Variants in SLC6A14 observed in about 807,000 individuals in gnomAD.
The protein encoded by SLC6A14 is sodium- and chloride-dependent neutral and basic amino acid transporter B(0+).
In SLC6A14, 21 loss-of-function variants were observed where a neutral mutation model predicts 51.4. The observed-to-expected ratio is 0.41, with a 90% CI of 0.29 to 0.59. The LOEUF (loss-of-function observed/expected upper bound fraction) is 0.59. Ranked by LOEUF, SLC6A14 falls within the 20% of genes least tolerant of loss-of-function variation. SLC6A14 has a pLI of 0.31. For synonymous variants in SLC6A14, 177 were observed against 160.7 expected, an observed-to-expected ratio of 1.10 and a Z score of -0.77; for missense variants, 371 against 472.8, an observed-to-expected ratio of 0.78 and a Z score of 2.00.
At chrX:116,450,119 T>C (rs1927794358) in intron 7 of SLC6A14, among the ~76,000 whole-genome samples, 1 of 111,488 alleles carries the variant, frequency 9.0e-6, no homozygotes, top group African/African-American at 3.3e-5. Context: ...TCAAGGATAA[T>C]ACCTATAGTC....
chrX:116,456,748 C>T (rs1164871205), intron 12 of SLC6A14, among the ~76,000 whole-genome samples: 1 of 111,061 alleles, frequency 9.0e-6, no homozygotes, highest in East Asian at 2.8e-4. Context: ...GGAGCTAAGC[C>T]ATTTAATTTT....
chrX:116,454,606 T>C (rs1464063777), intron 10 of SLC6A14, among the ~76,000 whole-genome samples, 164 bp downstream of exon 10: 1 of 111,156 alleles, frequency 9.0e-6, no homozygotes, highest in Non-Finnish European at 1.9e-5. Flanking sequence ...ATTACTTTTA[T>C]AGAAAGTCTA....
intron 4 of SLC6A14, 152 bp from the exon 5 acceptor site, chrX:116,443,491 A>G: frequency 2.6e-6 from 1 of 380,515 alleles, no homozygotes; most frequent in Admixed American, 5.4e-5. Context: ...CTGAATGTAC[A>G]TAGCTTATTC....
intron 7 of SLC6A14, 59 bp downstream of exon 7, chrX:116,446,940 A>C: frequency 9.8e-7 from 1 of 1,018,908 alleles, no homozygotes; most frequent in Non-Finnish European, 1.4e-6. Context: ...AGTAAATGCC[A>C]AACATCTTTG....
rs377473826 is a variant in SLC6A14, at chrX:116,455,091, T to C, written c.1504+15T>C. 7.4e-5 allele frequency: 79 copies of C among 1,063,227 alleles called. No individual in the cohort carries two copies. The highest frequency in any genetic ancestry group is 9.8e-5 in the South Asian group (5 of 51,003). The allele number at this position is 1,063,227 out of a possible 1,213,427, so 87.6% of individuals were successfully genotyped here. Reference sequence around the variant, plus strand: ...CTGGATTTATGGTAAATAGTAACTATAAAATTATTTTCCAGTTTTATTAAA... The same window carrying C: ...CTGGATTTATGGTAAATAGTAACTACAAAATTATTTTCCAGTTTTATTAAA... On this transcript the variant is annotated intron_variant, in intron 11 of 13. Transcript: ENST00000598581.
chrX:116,452,127 T>A (rs1445465773), intron 8 of SLC6A14, among the ~76,000 whole-genome samples: 2 of 111,905 alleles, frequency 1.8e-5, no homozygotes, highest in African/African-American at 3.2e-5. Context: ...TGCTTAATTA[T>A]CTGGCTACAG....
chrX:116,459,210 C>G lies in SLC6A14; in HGVS notation c.*255C>G. 1 of 229,760 alleles carries G rather than the reference C, an allele frequency of 4.4e-6. No homozygotes were observed. Among genetic ancestry groups the G allele is most frequent in the Non-Finnish European group, 7.8e-6 (1 of 128,155 alleles). 18.9% of individuals were successfully genotyped at this position (229,760 alleles called of 1,213,427 possible). A position where few individuals can be genotyped will look rare whatever the true frequency, so the allele number is the denominator to read the frequency against. ...CACACACCTAAGAGTCTCTATTTCA[C>G]AATTATATTTTTGTAAATAGTATAT... On this transcript the variant is annotated 3_prime_UTR_variant, in exon 14 of 14. Transcript: ENST00000598581.
intron 7 of SLC6A14, among the ~76,000 whole-genome samples, chrX:116,447,123 A>G (rs1401907680): frequency 9.0e-6 from 1 of 111,480 alleles, no homozygotes; most frequent in Non-Finnish European, 1.9e-5. Context: ...TTTTTTATTC[A>G]TATAAACTGA....
At chrX:116,442,093 A>G (rs939160886) in intron 3 of SLC6A14, among the ~76,000 whole-genome samples, 3 of 111,675 alleles carry the variant, frequency 2.7e-5, no homozygotes, top group African/African-American at 9.8e-5. Context: ...CTTTATGTGA[A>G]TTTGATGCGC....
At chrX:116,445,458 GA>G (rs1927688288) in intron 6 of SLC6A14, among the ~76,000 whole-genome samples, 10 of 11,147 alleles carry the variant, frequency 9.0e-4, no homozygotes, top group African/African-American at 4.5e-3. Flanking sequence ...CCCCTAGTCG[GA>G]GAGAGAGAGA....
chrX:116,455,143 A>T, intron 11 of SLC6A14, 67 bp downstream of exon 11: 1 of 800,701 alleles, frequency 1.2e-6, no homozygotes, highest in Non-Finnish European at 1.8e-6. Flanking sequence ...CATTTTCATT[A>T]TATTTACCTA....
intron 1 of SLC6A14, 92 bp from the exon 2 acceptor site, chrX:116,437,698 C>G (rs781961519): frequency 3.4e-6 from 3 of 885,101 alleles, no homozygotes; most frequent in African/African-American, 4.0e-5. Flanking sequence ...TTCTTCCCCC[C>G]ATTTTCTGTT....
At chrX:116,437,028 C>G (rs781871585) in intron 1 of SLC6A14, among the ~76,000 whole-genome samples, 3 of 111,484 alleles carry the variant, frequency 2.7e-5, no homozygotes, top group Admixed American at 9.5e-5. Flanking sequence ...TGTCCACATG[C>G]TAGAGGAAAG....
At chrX:116,457,534 C>A in intron 12 of SLC6A14, 75 bp from the exon 13 acceptor site, 1 of 796,234 alleles carries the variant, frequency 1.3e-6, no homozygotes, top group Non-Finnish European at 1.8e-6. Context: ...ATCTGAGGAA[C>A]AGAATCAAAT....
At chrX:116,451,340 TTTCA>T in intron 7 of SLC6A14, 98 bp from the exon 8 acceptor site, 1 of 597,712 alleles carries the variant, frequency 1.7e-6, no homozygotes, top group Non-Finnish European at 2.5e-6. Flanking sequence ...TGGGTGTTCA[TTTCA>T]TTGTTATTAA....
At chrX:116,455,329 C>A in intron 11 of SLC6A14, 28 bp from the exon 12 acceptor site, 1 of 1,084,736 alleles carries the variant, frequency 9.2e-7, no homozygotes, top group Non-Finnish European at 1.3e-6. Flanking sequence ...TATTAGCAAG[C>A]ACTCAATGTA....
chrX:116,445,076 C>A (rs782642771), intron 6 of SLC6A14, 26 bp downstream of exon 6: 2 of 1,145,821 alleles, frequency 1.7e-6, no homozygotes, highest in East Asian at 6.2e-5. Context: ...CATTAGATAG[C>A]GATATAGCAG....
rs782719577 is a variant in SLC6A14, at chrX:116,438,435, A to T, written c.214+480A>T. On this transcript the variant is annotated intron_variant, in intron 2 of 13. Transcript: ENST00000598581. Reference sequence around the variant, plus strand: ...GACTTAAGTGTTGAAAGAGATGATTAAAAAGTAATTAAAGGTTTAGTATTT... The same window carrying T: ...GACTTAAGTGTTGAAAGAGATGATTTAAAAGTAATTAAAGGTTTAGTATTT... Among the ~76,000 whole-genome samples, 5 of 112,461 alleles carry T rather than the reference A, an allele frequency of 4.4e-5. No individual in the cohort carries two copies. In the South Asian group the frequency reaches 1.8e-3, roughly 41 times the overall value.
At chrX:116,448,359 A>G (rs147344503) in intron 7 of SLC6A14, among the ~76,000 whole-genome samples, 2 of 111,672 alleles carry the variant, frequency 1.8e-5, no homozygotes, top group Non-Finnish European at 3.8e-5. Flanking sequence ...ATATACTTTG[A>G]TGTGTCCACA....
Sources: gnomAD v4.1 joint callset for allele counts (sites outside exome capture counted in the v4.1 genomes callset) on GRCh38, gnomAD v4.1.1 for gene constraint, MANE v1.5 for transcripts, NCBI Gene and HGNC (gene_info 2026-07-23, HGNC 2026-07-21) for gene names.